CSMD1: variants seen among roughly 807,000 people sequenced by gnomAD.
The protein encoded by CSMD1 is CUB and sushi domain-containing protein 1.
Under a neutral mutation model 417.5 loss-of-function variants are expected in CSMD1, and 213 were observed. That is an observed-to-expected ratio of 0.51 (90% confidence interval 0.46 to 0.57). CSMD1 has a LOEUF of 0.57. Among genes scored for constraint, CSMD1 ranks in the 20% least tolerant of loss-of-function variants. The pLI is 0.00. For missense variants in CSMD1, 6,923 were observed against 4,529.7 expected, an observed-to-expected ratio of 1.53 and a Z score of -15.17; for synonymous variants, 2,862 against 1,736.8, an observed-to-expected ratio of 1.65 and a Z score of -16.11.
intron 1 of CSMD1, among the ~76,000 whole-genome samples, chr8:4,912,589 GC>G (rs944129606): frequency 5.3e-5 from 8 of 152,120 alleles, no homozygotes; most frequent in African/African-American, 1.9e-4. Flanking sequence ...ACTCTCAAAA[GC>G]CTGCCTTCCT....
chr8:4,196,123 A>G (rs1799326606), intron 3 of CSMD1, among the ~76,000 whole-genome samples: 1 of 152,094 alleles, frequency 6.6e-6, no homozygotes, highest in Admixed American at 6.5e-5. Flanking sequence ...AGGCAGGAGA[A>G]TGGCTTGAAC....
At chr8:3,918,271 A>G (rs1385328873) in intron 5 of CSMD1, among the ~76,000 whole-genome samples, 2 of 152,034 alleles carry the variant, frequency 1.3e-5, no homozygotes, top group Non-Finnish European at 2.9e-5. Flanking sequence ...TGTTTTTAGC[A>G]GCCTACAAAC....
chr8:4,069,086 C>T (rs1799409168), intron 3 of CSMD1, among the ~76,000 whole-genome samples: 1 of 152,094 alleles, frequency 6.6e-6, no homozygotes, highest in South Asian at 2.1e-4. Flanking sequence ...TTTTATTAGA[C>T]TTTGTCATGG....
At chr8:3,412,478 C>T (rs1041933584) in intron 12 of CSMD1, among the ~76,000 whole-genome samples, 2 of 152,052 alleles carry the variant, frequency 1.3e-5, no homozygotes, top group African/African-American at 4.8e-5. Flanking sequence ...AGAGGAGAAA[C>T]TTTACTTCTA....
chr8:4,578,908 T>A (rs978670408), intron 2 of CSMD1, among the ~76,000 whole-genome samples: 1 of 151,158 alleles, frequency 6.6e-6, no homozygotes. Context: ...AATCACCATG[T>A]GAAAACCACC....
intron 5 of CSMD1, among the ~76,000 whole-genome samples, chr8:3,824,271 A>C (rs1400985809): frequency 1.3e-5 from 2 of 151,848 alleles, no homozygotes; most frequent in African/African-American, 4.8e-5. Context: ...AAAACTGCTG[A>C]CTCTTTCACT....
chr8:4,107,148 C>T (rs1221395958), intron 3 of CSMD1, among the ~76,000 whole-genome samples: 1 of 152,168 alleles, frequency 6.6e-6, no homozygotes, highest in Admixed American at 6.5e-5. Context: ...TTCTACTACA[C>T]ACAATTCCAG....
At chr8:3,271,298 T>G (rs1801835056) in intron 26 of CSMD1, among the ~76,000 whole-genome samples, 2 of 152,058 alleles carry the variant, frequency 1.3e-5, no homozygotes, top group South Asian at 2.1e-4. Flanking sequence ...ATGGTGTATA[T>G]GTGCCACATT....
At chr8:3,318,875 G>T (rs1017876380) in intron 23 of CSMD1, among the ~76,000 whole-genome samples, 1 of 152,154 alleles carries the variant, frequency 6.6e-6, no homozygotes, top group Non-Finnish European at 1.5e-5. Context: ...GGGCAGGTGG[G>T]TGACTGTAAA....
chr8:3,068,950 G>T (rs895691280), intron 49 of CSMD1, among the ~76,000 whole-genome samples: 1 of 152,036 alleles, frequency 6.6e-6, no homozygotes, highest in East Asian at 1.9e-4. Flanking sequence ...ATAAAATCAT[G>T]TCTTCCCAAC....
chr8:4,316,807 CAA>C (rs1487652690), intron 3 of CSMD1, among the ~76,000 whole-genome samples: 1 of 152,104 alleles, frequency 6.6e-6, no homozygotes, highest in Non-Finnish European at 1.5e-5. Context: ...GTGCTTCCCT[CAA>C]AGTCAGCACT....
chr8:3,926,026 C>CACACACAAACACCATAT (rs1563217927), intron 5 of CSMD1, among the ~76,000 whole-genome samples: 2 of 125,250 alleles, frequency 1.6e-5, no homozygotes, highest in African/African-American at 6.4e-5. Context: ...CACACACACA[C>CACACACAAACACCATAT]ACACACACAC....
intron 7 of CSMD1, among the ~76,000 whole-genome samples, chr8:3,665,556 A>C (rs1012046006): frequency 3.9e-5 from 6 of 152,228 alleles, no homozygotes; most frequent in African/African-American, 1.4e-4. Context: ...TCAGGAAAAT[A>C]ATTAGTATCT....
intron 3 of CSMD1, among the ~76,000 whole-genome samples, chr8:4,387,699 G>A (rs186163293): frequency 9.3e-5 from 14 of 151,248 alleles, no homozygotes; most frequent in African/African-American, 3.4e-4. Flanking sequence ...AGACAGCCTT[G>A]AGGCAATAGT....
At chr8:3,376,480 G>T (rs1810310243) in intron 18 of CSMD1, among the ~76,000 whole-genome samples, 1 of 151,870 alleles carries the variant, frequency 6.6e-6, no homozygotes, top group South Asian at 2.1e-4. Context: ...AATTTACAAT[G>T]TTAAATATAA....
At chr8:4,289,476 G>T (rs577052331) in intron 3 of CSMD1, among the ~76,000 whole-genome samples, 3 of 152,308 alleles carry the variant, frequency 2.0e-5, no homozygotes, top group Admixed American at 1.3e-4. Context: ...GTAGTAGCCA[G>T]ATTTGGACCA....
At chr8:4,057,291 G>C (rs531565919) in intron 3 of CSMD1, among the ~76,000 whole-genome samples, 3 of 152,172 alleles carry the variant, frequency 2.0e-5, no homozygotes, top group African/African-American at 7.2e-5. Flanking sequence ...CAGTGATGGT[G>C]AGCATTTTTT....
rs116555668 is a variant in CSMD1 at position 4,881,317 on chromosome 8, A to C, written c.85+113015T>G. Among the ~76,000 whole-genome samples, 113 of 152,124 alleles carry C rather than the reference A, an allele frequency of 7.4e-4. 2 individuals are homozygous for C. Among genetic ancestry groups the C allele is most frequent in the African/African-American group, 2.7e-3 (110 of 41,440 alleles). ...AAGGATAGTGACAATGCATTTTTTT[A>C]TTTGAATACATAATAACTAATATAC... On this transcript the variant is annotated intron_variant, in intron 1 of 69. Transcript: ENST00000635120.
rs376578264 is a variant in CSMD1, at chr8:4,946,799, GA to G, written c.85+47532del. Among the ~76,000 whole-genome samples the G allele has an allele frequency of 2.6e-5, 4 of 152,236 alleles. 1 individual carries two copies. The highest frequency in any genetic ancestry group is 9.6e-5 in the African/African-American group (4 of 41,530). ...GGCTTCACTACAGGGAAATAAATTA[GA>G]CTGTGATTCTATTTAAATAAAACAT... On this transcript the variant is annotated intron_variant, in intron 1 of 69. Coordinates refer to ENST00000635120, the MANE Select transcript of CSMD1 (RefSeq NM_033225.6).
Sources: allele counts gnomAD v4.1 joint callset (sites outside exome capture counted in the v4.1 genomes callset), GRCh38; gene constraint gnomAD v4.1.1; transcripts MANE v1.5; gene names NCBI Gene and HGNC (gene_info 2026-07-23, HGNC 2026-07-21).